Variants in PPP1R12A observed in about 807,000 individuals in gnomAD.
PPP1R12A encodes the protein myosin binding subunit.
Under a neutral mutation model 139.6 loss-of-function variants are expected in PPP1R12A, and 19 were observed. The ratio of observed to expected loss-of-function variants is 0.14; its 90% CI spans 0.09 to 0.20. The LOEUF (loss-of-function observed/expected upper bound fraction) is 0.20, where lower values mean the gene tolerates loss of function less well. Ranked by LOEUF, PPP1R12A falls within the 10% of genes least tolerant of loss-of-function variation. PPP1R12A has a pLI of 1.00. For synonymous variants in PPP1R12A, 427 were observed against 420.6 expected (o/e 1.02, Z -0.19); for missense variants, 925 against 1,211.5 (o/e 0.76, Z 3.51).
chr12:79,881,165 C>A (rs1883603982), intron 1 of PPP1R12A, among the ~76,000 whole-genome samples: 1 of 152,090 alleles, frequency 6.6e-6, no homozygotes, highest in South Asian at 2.1e-4. Flanking sequence ...CTACAATCAC[C>A]TCTAAGTACT....
At chr12:79,835,973 T>TA (rs1878025760) in intron 3 of PPP1R12A, among the ~76,000 whole-genome samples, 1 of 152,216 alleles carries the variant, frequency 6.6e-6, no homozygotes, top group African/African-American at 2.4e-5. Flanking sequence ...GCTCAGCTTT[T>TA]AAAAAGCAGA....
At chr12:79,923,992 C>T (rs761761161) in intron 1 of PPP1R12A, among the ~76,000 whole-genome samples, 4 of 151,900 alleles carry the variant, frequency 2.6e-5, no homozygotes, top group Admixed American at 1.3e-4. Context: ...TGCAGTGAGC[C>T]GAGATTGTGC....
intron 4 of PPP1R12A, among the ~76,000 whole-genome samples, chr12:79,831,443 C>T (rs2137151701): frequency 6.6e-6 from 1 of 152,026 alleles, no homozygotes; most frequent in South Asian, 2.1e-4. Flanking sequence ...ATTAAGTGGG[C>T]GTAGTGGCAC....
At chr12:79,890,966 TTC>T (rs146177981) in intron 1 of PPP1R12A, among the ~76,000 whole-genome samples, 1 of 121,920 alleles carries the variant, frequency 8.2e-6, no homozygotes, top group Non-Finnish European at 1.8e-5. Context: ...CTCTCTCTCT[TTC>T]TCTCTCTCTC....
chr12:79,793,702 C>G, intron 19 of PPP1R12A, 161 bp downstream of exon 19: 2 of 553,562 alleles, frequency 3.6e-6, no homozygotes, highest in Non-Finnish European at 6.2e-6. Flanking sequence ...CTTCCCAGTC[C>G]TTTTAATCCT....
At chr12:79,779,248 A>G in intron 23 of PPP1R12A, 1 of 1,126,912 alleles carries the variant, frequency 8.9e-7, no homozygotes, top group East Asian at 5.8e-5. Context: ...CCCTTAAATG[A>G]TAAGCATTCT....
chr12:79,827,239 C>T (rs776225985), intron 5 of PPP1R12A, among the ~76,000 whole-genome samples: 15 of 152,048 alleles, frequency 9.9e-5, no homozygotes, highest in Non-Finnish European at 2.2e-4. Context: ...ACCAATCATT[C>T]CCCCAAATTT....
At chr12:79,922,234 C>T (rs1368368530) in intron 1 of PPP1R12A, among the ~76,000 whole-genome samples, 4 of 152,094 alleles carry the variant, frequency 2.6e-5, no homozygotes, top group Non-Finnish European at 5.9e-5. Context: ...GCACTCCCAG[C>T]CTGGGTAACA....
chr12:79,900,155 G>A (rs1592795173), intron 1 of PPP1R12A, among the ~76,000 whole-genome samples: 1 of 152,068 alleles, frequency 6.6e-6, no homozygotes, highest in African/African-American at 2.4e-5. Context: ...TTCCTGTTTG[G>A]ATAAGCCAGG....
chr12:79,781,898 G>C (rs780032027), intron 22 of PPP1R12A, 36 bp from the exon 23 acceptor site: 11 of 1,377,180 alleles, frequency 8.0e-6, no homozygotes. Context: ...AGAGATAAGT[G>C]CAAAAAAGTT....
At chr12:79,904,584 T>C (rs1885931981) in intron 1 of PPP1R12A, among the ~76,000 whole-genome samples, 1 of 152,176 alleles carries the variant, frequency 6.6e-6, no homozygotes, top group Non-Finnish European at 1.5e-5. Context: ...AAAAGACTCT[T>C]ATATAAACAG....
intron 1 of PPP1R12A, among the ~76,000 whole-genome samples, chr12:79,918,019 C>T (rs929654110): frequency 6.6e-6 from 1 of 152,142 alleles, no homozygotes; most frequent in African/African-American, 2.4e-5. Context: ...ATCCACTCCT[C>T]CCCATACACC....
At chr12:79,799,755 A>T (rs544236558) in intron 14 of PPP1R12A, among the ~76,000 whole-genome samples, 2 of 152,240 alleles carry the variant, frequency 1.3e-5, no homozygotes, top group South Asian at 4.2e-4. Context: ...CATGCCTGTA[A>T]TTCCAGCACA....
At chr12:79,853,781 T>C (rs140280309) in intron 2 of PPP1R12A, among the ~76,000 whole-genome samples, 161 of 152,354 alleles carry the variant, frequency 1.1e-3, no homozygotes, top group African/African-American at 3.8e-3. Flanking sequence ...TACTGCAACT[T>C]CCAATTCTCA....
At chr12:79,863,861 G>A (rs150558861) in intron 2 of PPP1R12A, among the ~76,000 whole-genome samples, 3 of 152,042 alleles carry the variant, frequency 2.0e-5, no homozygotes, top group Non-Finnish European at 4.4e-5. Flanking sequence ...GACCTACGAA[G>A]AGACTTAGAC....
chr12:79,926,477 C>G lies in PPP1R12A; in HGVS notation c.237+8218G>C, dbSNP rs191805048. Among the ~76,000 whole-genome samples, 542 of 152,308 alleles carry G rather than the reference C, an allele frequency of 3.6e-3. 2 individuals are homozygous for G. The highest frequency in any genetic ancestry group is 0.012 in the African/African-American group (512 of 41,558). Reference sequence around the variant, plus strand: ...AAGTGCTAGGACTACAGGCGTGAGCCACCATACCCAGCCACCTAATAAATG... The same window carrying G: ...AAGTGCTAGGACTACAGGCGTGAGCGACCATACCCAGCCACCTAATAAATG... On this transcript the variant is annotated intron_variant, in intron 1 of 24. Transcript: ENST00000450142.
Position 79,775,784 on chromosome 12 carries a change from C to T in PPP1R12A, c.*145G>A. ...CCCCAGAAAATTAAACAAAATGAAA[C>T]AAAAATTCTAGATAAGAGGGCATTT... On this transcript the variant is annotated 3_prime_UTR_variant, in exon 25 of 25. Coordinates refer to ENST00000450142, the MANE Select transcript of PPP1R12A (RefSeq NM_002480.3). 1 of 451,280 alleles carries T rather than the reference C, an allele frequency of 2.2e-6. No homozygotes were observed. The highest frequency in any genetic ancestry group is 3.7e-6 in the Non-Finnish European group (1 of 268,710). The allele number at this position is 451,280 out of a possible 1,614,324, so 28.0% of individuals were successfully genotyped here.
At chr12:79,858,405 G>A (rs1227945496) in intron 2 of PPP1R12A, among the ~76,000 whole-genome samples, 1 of 152,174 alleles carries the variant, frequency 6.6e-6, no homozygotes, top group Non-Finnish European at 1.5e-5. Flanking sequence ...ATTGTGCCAA[G>A]TGTCTTATAC....
intron 9 of PPP1R12A, among the ~76,000 whole-genome samples, chr12:79,811,862 AAAAC>A (rs1242865242): frequency 6.6e-6 from 1 of 152,238 alleles, no homozygotes; most frequent in Admixed American, 6.5e-5. Context: ...CAGAAACAAA[AAAAC>A]AAACAAAAAA....
Sources: allele counts gnomAD v4.1 joint callset (sites outside exome capture counted in the v4.1 genomes callset), GRCh38; gene constraint gnomAD v4.1.1; transcripts MANE v1.5; gene names NCBI Gene and HGNC (gene_info 2026-07-23, HGNC 2026-07-21).